The following IFFO2 variants were observed in gnomAD, a reference collection of about 807,000 sequenced individuals.
IFFO2 encodes the protein intermediate filament family orphan 2.
Under a neutral mutation model 53.5 loss-of-function variants are expected in IFFO2, and 19 were observed. That is an observed-to-expected ratio of 0.36 (90% CI 0.25 to 0.52). IFFO2 has a LOEUF of 0.52. IFFO2 is among the 20% of genes least tolerant of loss of function. The probability of loss-of-function intolerance (pLI) is 0.94; values close to 1 mark genes in which losing one functional copy is unlikely to be tolerated. For synonymous variants in IFFO2, 303 were observed against 313.6 expected, an observed-to-expected ratio of 0.97 and a Z score of 0.36; for missense variants, 570 against 727.4, an observed-to-expected ratio of 0.78 and a Z score of 2.49.
Position 18,908,288 on chromosome 1 carries a change from A to G in IFFO2, c.*273T>C, listed in dbSNP as rs958326416. 6.8e-6 allele frequency: 3 copies of G among 441,548 alleles called. No individual in the cohort carries two copies. The highest frequency in any genetic ancestry group is 1.3e-5 in the Non-Finnish European group (3 of 236,338). 27.4% of individuals were successfully genotyped at this position (441,548 alleles called of 1,614,324 possible). A position where few individuals can be genotyped will look rare whatever the true frequency, so the allele number is the denominator to read the frequency against. Reference sequence around the variant, plus strand: ...GGGAGAAGGCACAGTTAACACTGCAAAGTCCGCACAGAAGTCTGCATTTGT... The same window carrying G: ...GGGAGAAGGCACAGTTAACACTGCAGAGTCCGCACAGAAGTCTGCATTTGT... On this transcript the variant is annotated 3_prime_UTR_variant, in exon 9 of 9. Coordinates refer to ENST00000455833, the MANE Select transcript of IFFO2 (RefSeq NM_001136265.2).
chr1:18,921,034 C>T, intron 2 of IFFO2, 27 bp downstream of exon 2: 5 of 1,550,328 alleles, frequency 3.2e-6, no homozygotes, highest in Non-Finnish European at 4.4e-6. Flanking sequence ...CGTGCCTCTC[C>T]TGGTCGGGAT....
chr1:18,930,370 C>T (rs1204397035), intron 1 of IFFO2, among the ~76,000 whole-genome samples: 1 of 152,188 alleles, frequency 6.6e-6, no homozygotes, highest in Non-Finnish European at 1.5e-5. Flanking sequence ...CCCAGAGCCA[C>T]TGTCTGCATA....
chr1:18,929,009 A>C (rs1403522285), intron 1 of IFFO2, among the ~76,000 whole-genome samples: 1 of 152,202 alleles, frequency 6.6e-6, no homozygotes, highest in African/African-American at 2.4e-5. Context: ...GTGTGGGAGC[A>C]TGCATTCATT....
At chr1:18,937,793 C>T (rs538454674) in intron 1 of IFFO2, among the ~76,000 whole-genome samples, 1 of 152,378 alleles carries the variant, frequency 6.6e-6, no homozygotes, top group Non-Finnish European at 1.5e-5. Flanking sequence ...CCTTGGGGCT[C>T]TCAGATGGAT....
intron 1 of IFFO2, among the ~76,000 whole-genome samples, chr1:18,931,009 A>G (rs573217735): frequency 3.3e-5 from 5 of 152,084 alleles, no homozygotes. Flanking sequence ...CATCCCTACA[A>G]AAAATTTTAA....
chr1:18,918,458 C>G lies in IFFO2; in HGVS notation c.867G>C (p.Lys289Asn), dbSNP rs1475140329. ...TTCGGCGGCAGATGTCCATGTCCAC[C>G]TTCATGGCCTTTTCTTGGATCTTTG... ...LDTKIQEKAM[K>N]VDMDICRRID... Residue 289 changes from lysine to asparagine, a missense_variant, in exon 4 of 9, where the codon AAG (lysine) becomes AAC (asparagine). By Grantham distance (94) the Lys-to-Asn change is moderately conservative (BLOSUM62 0). Transcript: ENST00000455833. The surrounding 1 kb of genome is among the most constrained non-coding windows in gnomAD (Gnocchi z 5.2). The G allele has an allele frequency of 1.9e-6, 3 of 1,561,276 alleles. No individual in the cohort carries two copies. Among genetic ancestry groups the G allele is most frequent in the Non-Finnish European group, 2.6e-6 (3 of 1,152,376 alleles).
chr1:18,917,901 T>C lies in IFFO2; in HGVS notation c.963+461A>G, dbSNP rs1362591973. Among the ~76,000 whole-genome samples, 2 of 152,094 alleles carry C rather than the reference T, an allele frequency of 1.3e-5. No homozygotes were observed. The highest frequency in any genetic ancestry group is 3.9e-4 in the East Asian group (2 of 5,178). On this transcript the variant is annotated intron_variant, in intron 4 of 8. Transcript: ENST00000455833. The surrounding 1 kb of genome is among the most constrained non-coding windows in gnomAD (Gnocchi z 5.9). ...AAAATAGTCAAAGGCCAACAGCTCCTCTTCTGAACTCTGAGGCCCCTCTAC... is the reference window on the plus strand; with the variant it reads ...AAAATAGTCAAAGGCCAACAGCTCCCCTTCTGAACTCTGAGGCCCCTCTAC...
chr1:18,911,513 T>C (rs1383067856), intron 6 of IFFO2, 37 bp from the exon 7 acceptor site: 3 of 450,936 alleles, frequency 6.7e-6, no homozygotes, highest in Non-Finnish European at 9.8e-6. Flanking sequence ...TTTATTTTAT[T>C]TATTTATTTA....
chr1:18,955,174 G>A (rs1488894250), intron 1 of IFFO2, among the ~76,000 whole-genome samples: 1 of 152,118 alleles, frequency 6.6e-6, no homozygotes, highest in Admixed American at 6.5e-5. Flanking sequence ...AGGGAGGGGA[G>A]CATATTTCCT....
At chr1:18,946,664 G>T (rs1487365808) in intron 1 of IFFO2, among the ~76,000 whole-genome samples, 1 of 151,662 alleles carries the variant, frequency 6.6e-6, no homozygotes, top group Non-Finnish European at 1.5e-5. Flanking sequence ...TGATCTACCC[G>T]CCTCGGCCTC....
In IFFO2 at chr1:18,921,836, C is replaced by T. The variant is rs143231307; in HGVS notation, c.666-715G>A. Among the ~76,000 whole-genome samples the T allele has an allele frequency of 2.4e-4, 37 of 152,162 alleles. No homozygotes were observed. In the East Asian group the frequency reaches 5.4e-3, roughly 22 times the overall value. On this transcript the variant is annotated intron_variant, in intron 1 of 8. Coordinates refer to ENST00000455833, the MANE Select transcript of IFFO2 (RefSeq NM_001136265.2). The stretch of plus-strand genomic sequence containing the variant: ...CCACTACTTTGACACGAGTACTGCC[C>T]GAAGCTGAATAGGAAACGCGGGCGG...
intron 1 of IFFO2, 112 bp from the exon 2 acceptor site, chr1:18,921,233 G>T: frequency 1.1e-6 from 1 of 904,862 alleles, no homozygotes; most frequent in Non-Finnish European, 1.8e-6. Context: ...GGGCAAGGAA[G>T]GTGCATTGGG....
At chr1:18,952,833 C>G (rs1158093710) in intron 1 of IFFO2, among the ~76,000 whole-genome samples, 19 of 152,200 alleles carry the variant, frequency 1.2e-4, no homozygotes, top group Non-Finnish European at 2.9e-5. Flanking sequence ...TTAAAATGGG[C>G]AGTTTTTGTG....
chr1:18,913,820 GTTGT>G (rs1445758911), intron 5 of IFFO2, among the ~76,000 whole-genome samples: 5 of 111,614 alleles, frequency 4.5e-5, no homozygotes, highest in African/African-American at 8.4e-5. Flanking sequence ...TGTTGTTGTT[GTTGT>G]TTTTTTGTTT....
chr1:18,939,218 C>A (rs1444150927), intron 1 of IFFO2, among the ~76,000 whole-genome samples: 1 of 152,242 alleles, frequency 6.6e-6, no homozygotes, highest in Non-Finnish European at 1.5e-5. Context: ...ACCCAGGGAA[C>A]CAGCAGGCAG....
intron 1 of IFFO2, among the ~76,000 whole-genome samples, chr1:18,926,434 C>T (rs970979333): frequency 6.6e-6 from 1 of 152,158 alleles, no homozygotes; most frequent in Non-Finnish European, 1.5e-5. Context: ...GGAGGGGAGG[C>T]AGGGATGTCA....
At chr1:18,925,893 ATTGGATGGATTGGT>A (rs1557643158) in intron 1 of IFFO2, among the ~76,000 whole-genome samples, 5 of 15,022 alleles carry the variant, frequency 3.3e-4, no homozygotes, top group African/African-American at 1.1e-3. Flanking sequence ...GGATGGATGG[ATTGGATGGATTGGT>A]TGGATGGATG....
At position 18,916,710 on chromosome 1, in the gene IFFO2, G is replaced by A. The variant is rs1239634540; in HGVS notation, c.1103+193C>T. ...AAACCCAAGAGGTTGAGGCTGCAGT[G>A]AGCTGTGACCATGCCGCCGCACTCC... On this transcript the variant is annotated intron_variant, in intron 5 of 8. Transcript: ENST00000455833. The surrounding 1 kb of genome is among the most constrained non-coding windows in gnomAD (Gnocchi z 4.3). 6.6e-6 allele frequency among the ~76,000 whole-genome samples: 1 copy of A among 152,074 alleles called. No homozygotes were observed. Among genetic ancestry groups the A allele is most frequent in the Non-Finnish European group, 1.5e-5 (1 of 68,006 alleles).
intron 8 of IFFO2, among the ~76,000 whole-genome samples, chr1:18,909,071 G>T (rs565099592): frequency 2.6e-5 from 4 of 151,940 alleles, no homozygotes; most frequent in Non-Finnish European, 4.4e-5. Flanking sequence ...GGATGAGCTG[G>T]GGGTGGGGGA....
Sources: allele counts gnomAD v4.1 joint callset (sites outside exome capture counted in the v4.1 genomes callset), GRCh38; gene constraint gnomAD v4.1.1; non-coding constraint Gnocchi (gnomAD v3.1); transcripts MANE v1.5; gene names NCBI Gene and HGNC (gene_info 2026-07-23, HGNC 2026-07-21).